PEX11G: variants seen among roughly 807,000 people sequenced by gnomAD.
PEX11G encodes peroxisomal biogenesis factor 11 gamma, also known as peroxisomal membrane protein 11C.
Under a neutral mutation model 22.5 loss-of-function variants are expected in PEX11G, and 20 were observed. The ratio of observed to expected loss-of-function variants is 0.89; its 90% CI spans 0.62 to 1.29. PEX11G has a LOEUF of 1.29. PEX11G is among the 50% of genes most tolerant of loss of function. The probability of loss-of-function intolerance (pLI) is 0.00; values close to 1 mark genes in which losing one functional copy is unlikely to be tolerated. For missense variants in PEX11G, 347 were observed against 331.3 expected, an observed-to-expected ratio of 1.05 and a Z score of -0.37; for synonymous variants, 141 against 154.5, an observed-to-expected ratio of 0.91 and a Z score of 0.65.
chr19:7,488,829 C>A (rs2021782825), intron 1 of PEX11G, 122 bp downstream of exon 1: 1 of 1,018,918 alleles, frequency 9.8e-7, no homozygotes, highest in South Asian at 1.4e-5. Flanking sequence ...TTGAGCCTAG[C>A]TCGGACGGGG....
chr19:7,486,136 C>CTTT, intron 1 of PEX11G, 110 bp from the exon 2 acceptor site: 3 of 858,742 alleles, frequency 3.5e-6, no homozygotes, highest in South Asian at 2.3e-5. Context: ...GGAAGATTCT[C>CTTT]TTTTTTTTTT....
intron 1 of PEX11G, among the ~76,000 whole-genome samples, chr19:7,487,450 CAG>C (rs931564167): frequency 9.9e-5 from 15 of 152,174 alleles, no homozygotes; most frequent in Non-Finnish European, 1.6e-4. Context: ...CTTTTGGAGA[CAG>C]AGTCTTGCTC....
intron 3 of PEX11G, 48 bp from the exon 4 acceptor site, chr19:7,478,424 G>T (rs1368643655): frequency 1.3e-6 from 2 of 1,567,562 alleles, no homozygotes; most frequent in Non-Finnish European, 1.7e-6. Flanking sequence ...GGAGCAGGAG[G>T]GTTAGCTCCA....
In PEX11G at chr19:7,477,116, GC is replaced by G; in HGVS notation, c.*85del. 1 of 1,270,476 alleles carries G rather than the reference GC, an allele frequency of 7.9e-7. No individual in the cohort carries two copies. The highest frequency in any genetic ancestry group is 1.0e-6 in the Non-Finnish European group (1 of 965,536). 78.7% of individuals were successfully genotyped at this position (1,270,476 alleles called of 1,614,324 possible). A position where few individuals can be genotyped will look rare whatever the true frequency, so the allele number is the denominator to read the frequency against. The stretch of plus-strand genomic sequence containing the variant: ...TTTCACCACAGGCAGCTCCATGAGA[GC>G]CCCGGCCCCTGCCCTGGCGGCTTCT... On this transcript the variant is annotated 3_prime_UTR_variant, in exon 5 of 5. Transcript: ENST00000221480.
upstream of PEX11G, among the ~76,000 whole-genome samples, chr19:7,492,693 C>T (rs556457439): frequency 2.6e-4 from 39 of 152,148 alleles, no homozygotes; most frequent in African/African-American, 3.6e-4. Flanking sequence ...CTGCCCACCT[C>T]GGCCTCCCAA....
chr19:7,486,074 C>A, intron 1 of PEX11G, 48 bp from the exon 2 acceptor site: 1 of 1,513,756 alleles, frequency 6.6e-7, no homozygotes, highest in Non-Finnish European at 9.0e-7. Flanking sequence ...TTCTGCAGAA[C>A]TGAGCTGCAT....
At chr19:7,494,900 C>T (rs757872841) in intron 1 of PEX11G, among the ~76,000 whole-genome samples, 16 of 152,220 alleles carry the variant, frequency 1.1e-4, no homozygotes, top group Admixed American at 1.3e-4. Flanking sequence ...TGGACCTCCT[C>T]TGCTACTAGC....
Position 7,488,955 on chromosome 19 carries a change from C to G in PEX11G, c.56G>C (p.Arg19Pro), listed in dbSNP as rs1451948544. The change falls in exon 1 of 5, where the codon CGC becomes CCC. Residue 19 changes from arginine to proline, a missense_variant. Arg to Pro is a moderately radical substitution (Grantham distance 103). Transcript: ENST00000221480. The part of the protein sequence containing the change: ...SALESYRGRD[R>P]LIRVLGYCCQ... ...CCCGGTCCGCCCCTGCCTCACCAGGCGGTCCCGGCCCCTGTACGACTCCAG... is the reference window on the plus strand; with the variant it reads ...CCCGGTCCGCCCCTGCCTCACCAGGGGGTCCCGGCCCCTGTACGACTCCAG... The G allele has an allele frequency of 1.3e-6, 2 of 1,553,178 alleles. No individual in the cohort carries two copies. The highest frequency in any genetic ancestry group is 1.4e-5 in the African/African-American group (1 of 72,938).
chr19:7,478,471 C>G, intron 3 of PEX11G, 95 bp from the exon 4 acceptor site: 2 of 1,327,584 alleles, frequency 1.5e-6, no homozygotes, highest in Non-Finnish European at 2.1e-6. Flanking sequence ...GGGACAGGTG[C>G]TGCATCTCGG....
At chr19:7,486,702 C>T (rs924355945) in intron 1 of PEX11G, among the ~76,000 whole-genome samples, 2 of 152,028 alleles carry the variant, frequency 1.3e-5, no homozygotes, top group East Asian at 1.9e-4. Context: ...CGGGTTCATG[C>T]GATTCTCCTG....
chr19:7,486,182 A>G (rs937004503), intron 1 of PEX11G, among the ~76,000 whole-genome samples, 156 bp from the exon 2 acceptor site: 2 of 152,080 alleles, frequency 1.3e-5, no homozygotes, highest in African/African-American at 4.8e-5. Context: ...ACTGGAGTGC[A>G]GTGGCACGAT....
intron 1 of PEX11G, among the ~76,000 whole-genome samples, chr19:7,487,428 C>G (rs964278685): frequency 6.6e-6 from 1 of 152,136 alleles, no homozygotes; most frequent in Non-Finnish European, 1.5e-5. Flanking sequence ...CTTCACTACT[C>G]AGATCTTTTT....
intron 4 of PEX11G, 30 bp downstream of exon 4, chr19:7,478,284 C>T: frequency 6.2e-7 from 1 of 1,603,516 alleles, no homozygotes; most frequent in Admixed American, 1.7e-5. Context: ...AGGGAGTGGG[C>T]CTCCCTGCTG....
In PEX11G at chr19:7,477,327, G is replaced by A. The variant is rs369250328; in HGVS notation, c.601C>T (p.Arg201Trp). 26 of 1,557,530 alleles carry A rather than the reference G, an allele frequency of 1.7e-5. No individual in the cohort carries two copies. In the Admixed American group the frequency reaches 1.9e-4, roughly 12 times the overall value. Residue 201 changes from arginine to tryptophan, a missense_variant, in exon 5 of 5, where the codon CGG (arginine) becomes TGG (tryptophan). Transcript: ENST00000221480. The stretch of plus-strand genomic sequence containing the variant: ...AAGCGGCCGGCCCACAGCACGCCCC[G>A]GGGCAGCCAGTGCACGGCGTTGGCC... Reference protein sequence around the residue: ...DLANAVHWLPRGVLWAGRFPP... With the variant: ...DLANAVHWLPWGVLWAGRFPP...
At chr19:7,481,679 G>T (rs2145960413) in intron 3 of PEX11G, among the ~76,000 whole-genome samples, 1 of 152,252 alleles carries the variant, frequency 6.6e-6, no homozygotes, top group Admixed American at 6.5e-5. Context: ...AAGGAATGTG[G>T]GTGGCCTCCA....
At chr19:7,486,883 G>A (rs1469032313) in intron 1 of PEX11G, among the ~76,000 whole-genome samples, 1 of 152,134 alleles carries the variant, frequency 6.6e-6, no homozygotes, top group African/African-American at 2.4e-5. Context: ...ACAGGCGTAA[G>A]CCACCGCGCC....
rs149454155 is a variant in PEX11G at position 7,486,367 on chromosome 19, C to A, written c.61-341G>T. 2.9e-3 allele frequency among the ~76,000 whole-genome samples: 443 copies of A among 152,254 alleles called. 1 individual carries two copies. Among genetic ancestry groups the A allele is most frequent in the African/African-American group, 0.01 (422 of 41,560 alleles). ...GTCTCAAACTCATAACCTCAGTGAT[C>A]CACCTGCCTTAGCCTCCCAAAGTGC... On this transcript the variant is annotated intron_variant, in intron 1 of 4. Transcript: ENST00000221480.
At position 7,480,382 on chromosome 19, in the gene PEX11G, G is replaced by A. The variant is rs1200647778; in HGVS notation, c.428+1651C>T. ...TGTGAGCCAAGGCCCCCCTCTGACC[G>A]GAGCCCCAGGAACATCCAGGCTGGG... On this transcript the variant is annotated intron_variant, in intron 3 of 4. Transcript: ENST00000221480. Among the ~76,000 whole-genome samples, 2 of 152,324 alleles carry A rather than the reference G, an allele frequency of 1.3e-5. 1 individual carries two copies. Among genetic ancestry groups the A allele is most frequent in the South Asian group, 4.1e-4 (2 of 4,830 alleles).
At chr19:7,482,245 A>G (rs528550968) in intron 2 of PEX11G, 34 bp from the exon 3 acceptor site, 1 of 1,521,108 alleles carries the variant, frequency 6.6e-7, no homozygotes, top group South Asian at 1.2e-5. Context: ...GCCTAGGGTC[A>G]GACTTACCCA....
Sources: allele counts gnomAD v4.1 joint callset (sites outside exome capture counted in the v4.1 genomes callset), GRCh38; gene constraint gnomAD v4.1.1; transcripts MANE v1.5; gene names NCBI Gene and HGNC (gene_info 2026-07-23, HGNC 2026-07-21).